Variants in BRINP3 observed in about 807,000 individuals in gnomAD.
BRINP3 encodes the protein BMP/retinoic acid inducible neural specific 3, also known as BMP/retinoic acid-inducible neural-specific protein 3.
BRINP3 carries 19 observed loss-of-function variants against 71.0 expected under a neutral mutation model. The observed-to-expected ratio is 0.27, with a 90% confidence interval of 0.19 to 0.39. BRINP3 has a LOEUF of 0.39. BRINP3 is among the 10% of genes least tolerant of loss of function. BRINP3 has a pLI of 1.00. For synonymous variants in BRINP3, 380 were observed against 337.7 expected, an observed-to-expected ratio of 1.13 and a Z score of -1.37; for missense variants, 959 against 940.8, an observed-to-expected ratio of 1.02 and a Z score of -0.25.
At chr1:190,400,774 T>C (rs1671869587) in intron 2 of BRINP3, among the ~76,000 whole-genome samples, 1 of 152,190 alleles carries the variant, frequency 6.6e-6, no homozygotes, top group Non-Finnish European at 1.5e-5. Context: ...CATAAGTAAA[T>C]ACTGACTAGT....
intron 4 of BRINP3, among the ~76,000 whole-genome samples, chr1:190,254,511 A>G (rs1660465781): frequency 6.6e-6 from 1 of 152,006 alleles, no homozygotes; most frequent in South Asian, 2.1e-4. Context: ...TTGGATTCCT[A>G]GGTATTTTAT....
chr1:190,379,969 G>A (rs1291404868), intron 2 of BRINP3, among the ~76,000 whole-genome samples: 4 of 128,476 alleles, frequency 3.1e-5, no homozygotes, highest in Non-Finnish European at 4.7e-5. Context: ...TTGCACTCCC[G>A]CCTGGGCAAC....
intron 7 of BRINP3, among the ~76,000 whole-genome samples, chr1:190,151,744 T>C (rs1209462161): frequency 6.6e-6 from 1 of 152,172 alleles, no homozygotes; most frequent in Non-Finnish European, 1.5e-5. Flanking sequence ...CAGTGATTGA[T>C]ACCCAGCACA....
chr1:190,362,560 T>C (rs571714924), intron 2 of BRINP3, among the ~76,000 whole-genome samples: 1 of 152,192 alleles, frequency 6.6e-6, no homozygotes, highest in Non-Finnish European at 1.5e-5. Flanking sequence ...TGGCCTCTAA[T>C]GTGGTTTGGC....
At chr1:190,217,355 A>G (rs371319717) in intron 6 of BRINP3, among the ~76,000 whole-genome samples, 3 of 151,914 alleles carry the variant, frequency 2.0e-5, no homozygotes, top group East Asian at 3.9e-4. Context: ...AGGCAAAAAA[A>G]AAATGTTTCT....
rs1357331007 is a variant in BRINP3, at chr1:190,098,529, T to C, written c.1790A>G (p.Glu597Gly). 1.2e-6 allele frequency: 2 copies of C among 1,614,150 alleles called. No homozygotes were observed. The highest frequency in any genetic ancestry group is 1.7e-6 in the Non-Finnish European group (2 of 1,180,020). ...CAGGGGTAGGTCCAACTTAGTCCGC[T>C]CCCAGTCTGGAAAGCTGTTTTCATT... ...PVNENSFPDW[E>G]RTKLDLPLQC... The change falls in exon 8 of 8, where the codon GAG (glutamate) becomes GGG (glycine). Residue 597 changes from glutamate (E) to glycine (G), a missense_variant. Coordinates refer to ENST00000367462, the MANE Select transcript of BRINP3 (RefSeq NM_199051.3).
intron 4 of BRINP3, among the ~76,000 whole-genome samples, chr1:190,261,564 G>A (rs1451015054): frequency 2.0e-5 from 3 of 152,038 alleles, no homozygotes; most frequent in Admixed American, 6.6e-5. Context: ...AAGAATTAGC[G>A]TGATAAAAGC....
In BRINP3 at chr1:190,246,318, C is replaced by T. The variant is rs115542188; in HGVS notation, c.619-11841G>A. Among the ~76,000 whole-genome samples the T allele has an allele frequency of 2.7e-3, 413 of 151,944 alleles. 5 individuals are homozygous for T. Among genetic ancestry groups the T allele is most frequent in the African/African-American group, 9.4e-3 (391 of 41,470 alleles). The stretch of plus-strand genomic sequence containing the variant: ...AGAGGAACTTTGTACCTTCATGGTA[C>T]CTCTGGGACTTCATGAAGCTTTAAT... On this transcript the variant is annotated intron_variant, in intron 4 of 7. Coordinates refer to ENST00000367462, the MANE Select transcript of BRINP3 (RefSeq NM_199051.3).
chr1:190,374,816 A>G lies in BRINP3; in HGVS notation c.236+79839T>C, dbSNP rs548466841. ...AAGCAGAATGAGACAAATGAAAATAATAGAAAAAGTTAGAAACAGCCTCTT... is the reference window on the plus strand; with the variant it reads ...AAGCAGAATGAGACAAATGAAAATAGTAGAAAAAGTTAGAAACAGCCTCTT... On this transcript the variant is annotated intron_variant, in intron 2 of 7. Transcript: ENST00000367462. Among the ~76,000 whole-genome samples, 334 of 152,182 alleles carry G rather than the reference A, an allele frequency of 2.2e-3. No homozygotes were observed. In the Middle Eastern group the frequency reaches 0.024, roughly 11 times the overall value.
At chr1:190,304,964 A>G (rs1289828518) in intron 2 of BRINP3, among the ~76,000 whole-genome samples, 1 of 152,002 alleles carries the variant, frequency 6.6e-6, no homozygotes, top group Admixed American at 6.6e-5. Flanking sequence ...ATTTGAAGAG[A>G]CATTTCTCAA....
intron 7 of BRINP3, among the ~76,000 whole-genome samples, chr1:190,123,959 C>T (rs1285802416): frequency 6.6e-6 from 1 of 152,088 alleles, no homozygotes; most frequent in East Asian, 1.9e-4. Flanking sequence ...TGTATATTAT[C>T]TGAATTGTCT....
intron 6 of BRINP3, among the ~76,000 whole-genome samples, chr1:190,203,964 T>G (rs1039258130): frequency 2.6e-5 from 4 of 151,066 alleles, no homozygotes; most frequent in African/African-American, 9.7e-5. Context: ...GATTGGAATT[T>G]GTTACAAATA....
intron 7 of BRINP3, among the ~76,000 whole-genome samples, chr1:190,105,992 A>G (rs969653991): frequency 6.6e-6 from 1 of 151,990 alleles, no homozygotes; most frequent in African/African-American, 2.4e-5. Context: ...GATTACTGTC[A>G]ATTGAAATAT....
chr1:190,146,598 T>A (rs939803878), intron 7 of BRINP3, among the ~76,000 whole-genome samples: 1 of 152,224 alleles, frequency 6.6e-6, no homozygotes, highest in East Asian at 1.9e-4. Flanking sequence ...TTCATTTTCA[T>A]AATAATTTGG....
At chr1:190,188,637 A>C (rs1093089) in intron 6 of BRINP3, among the ~76,000 whole-genome samples, 56,069 of 151,994 alleles carry the variant, frequency 0.37, 10,418 homozygotes, top group Middle Eastern at 0.42. Context: ...CTGTTCAGCT[A>C]ATGTATTGTA....
intron 2 of BRINP3, among the ~76,000 whole-genome samples, chr1:190,373,932 G>A (rs1670027085): frequency 6.6e-6 from 1 of 150,946 alleles, no homozygotes; most frequent in Non-Finnish European, 1.5e-5. Context: ...ACAGTAGGAG[G>A]CAGTGTAGTG....
At chr1:190,118,586 A>T (rs1426404791) in intron 7 of BRINP3, among the ~76,000 whole-genome samples, 1 of 152,176 alleles carries the variant, frequency 6.6e-6, no homozygotes, top group Non-Finnish European at 1.5e-5. Flanking sequence ...AGAAAAGTGA[A>T]TCACAGCCTG....
rs370171924 is a variant in BRINP3 at position 190,264,562 on chromosome 1, T to G, written c.618+303A>C. Among the ~76,000 whole-genome samples the G allele has an allele frequency of 1.3e-4, 20 of 152,300 alleles. No homozygotes were observed. The South Asian group carries it at 3.9e-3, about 30-fold the overall frequency. ...AGAAATTGATGTTATTAAAACAAAT[T>G]TGTATTCATGTTTATTTTGTGAGGG... On this transcript the variant is annotated intron_variant, in intron 4 of 7. Transcript: ENST00000367462.
In BRINP3 at chr1:190,417,522, T is replaced by A. The variant is rs371213255; in HGVS notation, c.236+37133A>T. ...AATATTTTTGCTGTTGTTTTAATAC[T>A]TCCCAGGAAGTTATTTGTCAAAAAA... On this transcript the variant is annotated intron_variant, in intron 2 of 7. Transcript: ENST00000367462. Among the ~76,000 whole-genome samples the A allele has an allele frequency of 1.4e-4, 21 of 152,238 alleles. No homozygotes were observed. In the East Asian group the frequency reaches 3.1e-3, roughly 22 times the overall value.
Sources: gnomAD v4.1 joint callset for allele counts (sites outside exome capture counted in the v4.1 genomes callset) on GRCh38, gnomAD v4.1.1 for gene constraint, MANE v1.5 for transcripts, NCBI Gene and HGNC (gene_info 2026-07-23, HGNC 2026-07-21) for gene names.